The following IQCM variants were observed in gnomAD, a reference collection of about 807,000 sequenced individuals.
IQCM encodes the protein IQ motif containing M.
IQCM carries 45 observed loss-of-function variants against 57.6 expected under a neutral mutation model. The observed-to-expected ratio is 0.78, with a 90% CI of 0.62 to 1.00. The LOEUF (loss-of-function observed/expected upper bound fraction) is 1.00. Ranked by LOEUF, IQCM falls within the 50% of genes least tolerant of loss-of-function variation. The pLI is 0.00. For missense variants in IQCM, 468 were observed against 511.6 expected, an observed-to-expected ratio of 0.91 and a Z score of 0.82; for synonymous variants, 148 against 158.9, an observed-to-expected ratio of 0.93 and a Z score of 0.51.
In IQCM at chr4:149,587,974, T is replaced by TTTTTA. The variant is rs1202393659; in HGVS notation, c.704_705insTAAAA (p.Lys235AsnfsTer19). ...CTGGCTTGATAGGTTGTCGCTCCTTTTTAATAAGGGTTTTAAAGGTTTTCT... is the reference window on the plus strand; with the variant it reads ...CTGGCTTGATAGGTTGTCGCTCCTTTTTTTATTAATAAGGGTTTTAAAGGTTTTCT... On this transcript the variant is annotated frameshift_variant, in exon 9 of 14. Coordinates refer to ENST00000636793, the MANE Select transcript of IQCM (RefSeq NM_001363507.2). LOFTEE classifies it high-confidence loss of function. 3 of 1,225,580 alleles carry TTTTTA rather than the reference T, an allele frequency of 2.4e-6. No individual in the cohort carries two copies. Among genetic ancestry groups the TTTTTA allele is most frequent in the African/African-American group, 1.6e-5 (1 of 64,144 alleles). The allele number at this position is 1,225,580 out of a possible 1,614,324, so 75.9% of individuals were successfully genotyped here. A position where few individuals can be genotyped will look rare whatever the true frequency, so the allele number is the denominator to read the frequency against.
At chr4:149,421,561 G>A (rs1207451998) in intron 13 of IQCM, among the ~76,000 whole-genome samples, 1 of 151,860 alleles carries the variant, frequency 6.6e-6, no homozygotes, top group Non-Finnish European at 1.5e-5. Flanking sequence ...CTGTCAATAT[G>A]TTTATTAAAT....
chr4:149,359,455 G>T (rs1201676144), intron 13 of IQCM, among the ~76,000 whole-genome samples: 1 of 151,980 alleles, frequency 6.6e-6, no homozygotes, highest in Non-Finnish European at 1.5e-5. Context: ...CAATATTAGA[G>T]ATTTAAGCTT....
chr4:149,427,214 A>G (rs1734523232), intron 13 of IQCM, among the ~76,000 whole-genome samples: 1 of 152,004 alleles, frequency 6.6e-6, no homozygotes, highest in Non-Finnish European at 1.5e-5. Context: ...GAATGTGAAC[A>G]TTTCTATGGC....
At chr4:149,768,028 G>A (rs538540040) in intron 2 of IQCM, among the ~76,000 whole-genome samples, 3 of 152,128 alleles carry the variant, frequency 2.0e-5, no homozygotes, top group African/African-American at 7.2e-5. Context: ...CATGTGAAAT[G>A]AATGTGATAA....
intron 1 of IQCM, 96 bp from the exon 2 acceptor site, chr4:149,815,444 T>A (rs1394048160): frequency 6.6e-6 from 1 of 151,922 alleles, no homozygotes; most frequent in Admixed American, 6.6e-5. Context: ...GCAAAAAAAT[T>A]TATAAACATA....
intron 13 of IQCM, among the ~76,000 whole-genome samples, chr4:149,413,445 G>T (rs1733525873): frequency 6.6e-6 from 1 of 152,126 alleles, no homozygotes; most frequent in South Asian, 2.1e-4. Flanking sequence ...GTGGGCAGGG[G>T]AGTGCAAATG....
At chr4:149,607,868 G>A (rs145564784) in intron 8 of IQCM, among the ~76,000 whole-genome samples, 218 of 151,874 alleles carry the variant, frequency 1.4e-3, no homozygotes, top group African/African-American at 5.0e-3. Context: ...GGAAGGAAGG[G>A]AGGGAGGGAA....
chr4:149,361,962 C>T (rs1435127510), intron 13 of IQCM, among the ~76,000 whole-genome samples: 1 of 152,114 alleles, frequency 6.6e-6, no homozygotes, highest in Non-Finnish European at 1.5e-5. Context: ...AGGCTGTACC[C>T]TGTAAAACCA....
At chr4:149,565,230 A>G (rs1270368446) in intron 9 of IQCM, among the ~76,000 whole-genome samples, 1 of 152,124 alleles carries the variant, frequency 6.6e-6, no homozygotes, top group Non-Finnish European at 1.5e-5. Context: ...CTCAGAGTGA[A>G]TCTCTGACTC....
chr4:149,565,196 A>C (rs1478821059), intron 9 of IQCM, among the ~76,000 whole-genome samples: 2 of 152,142 alleles, frequency 1.3e-5, no homozygotes, highest in African/African-American at 4.8e-5. Flanking sequence ...ACACCTCTGA[A>C]TCCCAGACCC....
intron 8 of IQCM, among the ~76,000 whole-genome samples, chr4:149,589,783 T>A (rs1372007947): frequency 1.3e-5 from 2 of 152,054 alleles, no homozygotes; most frequent in Non-Finnish European, 1.5e-5. Flanking sequence ...TGTACTTTTT[T>A]AAATGTATGT....
chr4:149,563,759 A>G lies in IQCM; in HGVS notation c.881T>C (p.Val294Ala). The change falls in exon 10 of 14, where the codon GTC becomes GCC. Residue 294 changes from valine (V) to alanine (A), a missense_variant. Val to Ala is a moderately conservative substitution (Grantham distance 64). Transcript: ENST00000636793. The stretch of plus-strand genomic sequence containing the variant: ...CCTGACATGTGCCTGCATGACGGTG[A>G]CCATTCTAATCAATTTTGGGGTAAT... ...FMITPKLIRM[V>A]TVMQAHVRGW... is the part of the protein sequence containing the mutation. 1 of 1,232,014 alleles carries G rather than the reference A, an allele frequency of 8.1e-7. No individual in the cohort carries two copies. The highest frequency in any genetic ancestry group is 1.0e-6 in the Non-Finnish European group (1 of 987,930). 76.3% of individuals were successfully genotyped at this position (1,232,014 alleles called of 1,614,324 possible). A position where few individuals can be genotyped will look rare whatever the true frequency, so the allele number is the denominator to read the frequency against.
chr4:149,602,759 A>T (rs1754429497), intron 8 of IQCM, among the ~76,000 whole-genome samples: 1 of 151,954 alleles, frequency 6.6e-6, no homozygotes, highest in Non-Finnish European at 1.5e-5. Context: ...ACTATAACCC[A>T]CTAATACCAT....
intron 13 of IQCM, among the ~76,000 whole-genome samples, chr4:149,378,467 G>A (rs1463891639): frequency 2.0e-5 from 3 of 152,156 alleles, no homozygotes; most frequent in Non-Finnish European, 4.4e-5. Flanking sequence ...CTCAGGTGGA[G>A]ATAAGGAACT....
chr4:149,693,050 T>C (rs1339573817), intron 5 of IQCM, among the ~76,000 whole-genome samples: 1 of 152,178 alleles, frequency 6.6e-6, no homozygotes, highest in African/African-American at 2.4e-5. Flanking sequence ...CAAAAGACTC[T>C]AGTCTCTAGC....
chr4:149,696,933 G>A (rs1763383276), intron 5 of IQCM, among the ~76,000 whole-genome samples: 1 of 152,116 alleles, frequency 6.6e-6, no homozygotes, highest in South Asian at 2.1e-4. Context: ...AAACCAAGGT[G>A]GAGGAGGAAA....
At chr4:149,526,164 C>T (rs944088707) in intron 12 of IQCM, among the ~76,000 whole-genome samples, 9 of 151,890 alleles carry the variant, frequency 5.9e-5, no homozygotes, top group African/African-American at 1.7e-4. Context: ...TTTTATCCAA[C>T]AATTTTACTC....
chr4:149,439,841 T>C (rs1372711991), intron 12 of IQCM, among the ~76,000 whole-genome samples: 1 of 152,082 alleles, frequency 6.6e-6, no homozygotes, highest in Non-Finnish European at 1.5e-5. Flanking sequence ...ACAGTTTTTA[T>C]TGGGCTCAGC....
intron 12 of IQCM, among the ~76,000 whole-genome samples, chr4:149,444,007 T>G (rs748723515): frequency 1.3e-5 from 2 of 151,884 alleles, no homozygotes; most frequent in Non-Finnish European, 2.9e-5. Context: ...TGTAAAAGTA[T>G]TCATTAAAAG....
Sources: gnomAD v4.1 joint callset for allele counts (sites outside exome capture counted in the v4.1 genomes callset) on GRCh38, gnomAD v4.1.1 for gene constraint, MANE v1.5 for transcripts, NCBI Gene and HGNC (gene_info 2026-07-23, HGNC 2026-07-21) for gene names.